Variants in MARCHF1 observed in about 807,000 individuals in gnomAD.
MARCHF1 encodes membrane associated ring-CH-type finger 1.
Under a neutral mutation model 54.2 loss-of-function variants are expected in MARCHF1, and 40 were observed. The ratio of observed to expected loss-of-function variants is 0.74; its 90% CI spans 0.57 to 0.96. The LOEUF (loss-of-function observed/expected upper bound fraction) is 0.96, where lower values mean the gene tolerates loss of function less well. MARCHF1 is among the 40% of genes least tolerant of loss of function. MARCHF1 has a pLI of 0.00. For synonymous variants in MARCHF1, 236 were observed against 236.3 expected, an observed-to-expected ratio of 1.00 and a Z score of 0.01; for missense variants, 586 against 656.5, an observed-to-expected ratio of 0.89 and a Z score of 1.17.
At position 164,261,610 on chromosome 4, in the gene MARCHF1, A is replaced by T. The variant is rs1467736055; in HGVS notation, c.-323+122260T>A. Reference sequence around the variant, plus strand: ...TCCTCCTTAATCATCCTGAGGTTACATCTTAAATCCTTTCCCCTTGCCATT... The same window carrying T: ...TCCTCCTTAATCATCCTGAGGTTACTTCTTAAATCCTTTCCCCTTGCCATT... On this transcript the variant is annotated intron_variant, in intron 1 of 9. Transcript: ENST00000514618. Among the ~76,000 whole-genome samples the T allele has an allele frequency of 2.0e-5, 3 of 152,102 alleles. No individual in the cohort carries two copies. The East Asian group carries it at 5.8e-4, about 29-fold the overall frequency.
intron 5 of MARCHF1, among the ~76,000 whole-genome samples, chr4:163,696,208 G>T (rs556622881): frequency 1.3e-5 from 2 of 152,038 alleles, no homozygotes; most frequent in African/African-American, 4.8e-5. Context: ...AAGTATAATT[G>T]CTGTTGAATA....
At chr4:164,026,365 A>G (rs879429571) in intron 2 of MARCHF1, among the ~76,000 whole-genome samples, 11 of 152,190 alleles carry the variant, frequency 7.2e-5, no homozygotes, top group South Asian at 2.1e-4. Flanking sequence ...ATCCAGTGGC[A>G]CACTAAAAAG....
At chr4:164,159,781 T>G (rs1342912483) in intron 1 of MARCHF1, among the ~76,000 whole-genome samples, 1 of 152,182 alleles carries the variant, frequency 6.6e-6, no homozygotes, top group Admixed American at 6.5e-5. Flanking sequence ...AAATAGAGTA[T>G]AGTGGAAAGA....
intron 2 of MARCHF1, among the ~76,000 whole-genome samples, chr4:164,003,821 A>G (rs1001038733): frequency 6.6e-6 from 1 of 152,188 alleles, no homozygotes; most frequent in African/African-American, 2.4e-5. Context: ...ATTCTATTAT[A>G]AAGATACATG....
intron 4 of MARCHF1, among the ~76,000 whole-genome samples, chr4:163,830,536 C>T (rs1748989260): frequency 6.6e-6 from 1 of 152,116 alleles, no homozygotes; most frequent in South Asian, 2.1e-4. Context: ...ATTCCTCCCT[C>T]CTTCCAGATT....
intron 3 of MARCHF1, among the ~76,000 whole-genome samples, chr4:163,941,875 A>G (rs1294307673): frequency 6.6e-5 from 10 of 152,318 alleles, no homozygotes; most frequent in Non-Finnish European, 2.9e-5. Flanking sequence ...TCAACTTTAA[A>G]GAGTGTCAGC....
At chr4:164,365,493 T>G (rs1215431805) in intron 1 of MARCHF1, among the ~76,000 whole-genome samples, 2 of 152,078 alleles carry the variant, frequency 1.3e-5, no homozygotes, top group East Asian at 3.9e-4. Context: ...AAGCTTCTAC[T>G]TCATCTCTGA....
chr4:164,107,463 C>A (rs544741099), intron 2 of MARCHF1, among the ~76,000 whole-genome samples: 1 of 152,076 alleles, frequency 6.6e-6, no homozygotes, highest in Admixed American at 6.6e-5. Context: ...TGGGCTCAAG[C>A]AGTCCTCTCC....
At chr4:164,171,943 G>A (rs35462126) in intron 1 of MARCHF1, among the ~76,000 whole-genome samples, 6,922 of 152,152 alleles carry the variant, frequency 0.045, 217 homozygotes, top group Middle Eastern at 0.15. Flanking sequence ...CATTCTGTTG[G>A]GTAAAATGTA....
At chr4:163,549,066 A>G (rs1739009447) in intron 8 of MARCHF1, among the ~76,000 whole-genome samples, 1 of 152,182 alleles carries the variant, frequency 6.6e-6, no homozygotes, top group Non-Finnish European at 1.5e-5. Context: ...CCTCTAGAGA[A>G]GGTTGTTCCT....
intron 1 of MARCHF1, among the ~76,000 whole-genome samples, chr4:164,203,001 G>C (rs930632825): frequency 2.0e-5 from 3 of 152,136 alleles, no homozygotes; most frequent in Non-Finnish European, 2.9e-5. Flanking sequence ...GAAAGAGAGA[G>C]AGAGAGAGAG....
intron 2 of MARCHF1, among the ~76,000 whole-genome samples, chr4:164,089,276 A>G (rs745869612): frequency 4.6e-5 from 7 of 152,180 alleles, no homozygotes; most frequent in Non-Finnish European, 7.4e-5. Flanking sequence ...TGGTATACAT[A>G]TGAAAGAGTT....
At chr4:163,829,658 A>G (rs556988135) in intron 4 of MARCHF1, among the ~76,000 whole-genome samples, 5 of 152,270 alleles carry the variant, frequency 3.3e-5, no homozygotes, top group African/African-American at 1.2e-4. Context: ...GGACTGGATG[A>G]TATGTACGCA....
At chr4:163,739,595 T>A (rs1268964045) in intron 4 of MARCHF1, among the ~76,000 whole-genome samples, 1 of 152,176 alleles carries the variant, frequency 6.6e-6, no homozygotes, top group Admixed American at 6.5e-5. Context: ...TAACGAACAC[T>A]CTTCAGTATT....
At chr4:164,052,231 A>C (rs1754386724) in intron 2 of MARCHF1, among the ~76,000 whole-genome samples, 1 of 145,486 alleles carries the variant, frequency 6.9e-6, no homozygotes. Flanking sequence ...CAGAATAATA[A>C]AGATAATGTG....
chr4:164,265,294 C>T (rs916325840), intron 1 of MARCHF1, among the ~76,000 whole-genome samples: 1 of 151,878 alleles, frequency 6.6e-6, no homozygotes, highest in African/African-American at 2.4e-5. Flanking sequence ...GGATTCAAAG[C>T]CAATTAAAAT....
chr4:163,876,257 T>C (rs1432517565), intron 3 of MARCHF1, among the ~76,000 whole-genome samples: 1 of 152,158 alleles, frequency 6.6e-6, no homozygotes, highest in Admixed American at 6.6e-5. Flanking sequence ...ATGTCTAAGA[T>C]ACAACTTTTC....
chr4:163,964,320 CAA>C (rs1752399882), intron 3 of MARCHF1, among the ~76,000 whole-genome samples: 1 of 151,876 alleles, frequency 6.6e-6, no homozygotes, highest in Admixed American at 6.6e-5. Flanking sequence ...TTAGTGATAA[CAA>C]TGATGATGTT....
intron 1 of MARCHF1, among the ~76,000 whole-genome samples, chr4:164,331,007 A>G (rs1016296036): frequency 2.6e-5 from 4 of 152,226 alleles, no homozygotes; most frequent in African/African-American, 4.8e-5. Flanking sequence ...TTGTGTCAGT[A>G]GATAATTAAG....
Sources: gnomAD v4.1 joint callset for allele counts (sites outside exome capture counted in the v4.1 genomes callset) on GRCh38, gnomAD v4.1.1 for gene constraint, MANE v1.5 for transcripts, NCBI Gene and HGNC (gene_info 2026-07-23, HGNC 2026-07-21) for gene names.